The following PDE4B variants were observed in gnomAD, a reference collection of about 807,000 sequenced individuals.
The protein encoded by PDE4B is 3',5'-cyclic-AMP phosphodiesterase 4B.
PDE4B carries 20 observed loss-of-function variants against 82.2 expected under a neutral mutation model. The observed-to-expected ratio is 0.24, with a 90% CI of 0.17 to 0.35. PDE4B has a LOEUF of 0.35. Ranked by LOEUF, PDE4B falls within the 10% of genes least tolerant of loss-of-function variation. PDE4B has a pLI of 1.00. For synonymous variants in PDE4B, 320 were observed against 318.9 expected (o/e 1.00, Z -0.04); for missense variants, 655 against 907.2 (o/e 0.72, Z 3.57).
chr1:65,886,749 G>A (rs961568776), intron 1 of PDE4B, among the ~76,000 whole-genome samples: 2 of 152,020 alleles, frequency 1.3e-5, no homozygotes, highest in South Asian at 2.1e-4. Flanking sequence ...TATCATGTAC[G>A]TATACCACAT....
chr1:65,845,400 GTTA>G (rs1206206080), intron 1 of PDE4B, among the ~76,000 whole-genome samples: 1 of 152,108 alleles, frequency 6.6e-6, no homozygotes, highest in Non-Finnish European at 1.5e-5. Context: ...CCACTTCTCA[GTTA>G]TTAAGACTTA....
chr1:66,359,572 A>G (rs1197313929), intron 9 of PDE4B, among the ~76,000 whole-genome samples: 2 of 152,214 alleles, frequency 1.3e-5, no homozygotes, highest in Non-Finnish European at 2.9e-5. Flanking sequence ...AGTGTTCCAG[A>G]CACAGTAGTG....
intron 3 of PDE4B, among the ~76,000 whole-genome samples, chr1:66,113,493 A>G (rs1380251022): frequency 1.3e-5 from 2 of 152,218 alleles, no homozygotes; most frequent in Admixed American, 6.5e-5. Flanking sequence ...ATGCTAGTCC[A>G]TAATAAGATA....
intron 3 of PDE4B, among the ~76,000 whole-genome samples, chr1:66,052,399 T>C (rs1655078088): frequency 6.6e-6 from 1 of 152,102 alleles, no homozygotes; most frequent in South Asian, 2.1e-4. Flanking sequence ...TTTATAATGA[T>C]AGGGTTTCAG....
At chr1:66,211,296 G>T (rs1227030337) in intron 3 of PDE4B, among the ~76,000 whole-genome samples, 1 of 152,116 alleles carries the variant, frequency 6.6e-6, no homozygotes, top group Non-Finnish European at 1.5e-5. Context: ...TACGTTCCAA[G>T]TCTCTTCTCT....
chr1:66,244,737 G>A (rs559430883), intron 3 of PDE4B, among the ~76,000 whole-genome samples: 1 of 152,222 alleles, frequency 6.6e-6, no homozygotes, highest in Non-Finnish European at 1.5e-5. Context: ...CTTTGCATCA[G>A]AGACTTCTTC....
At chr1:65,862,262 G>A (rs1004208676) in intron 1 of PDE4B, among the ~76,000 whole-genome samples, 14 of 152,200 alleles carry the variant, frequency 9.2e-5, no homozygotes, top group Middle Eastern at 3.4e-3. Flanking sequence ...GCATGAAAGG[G>A]TGTTGAATTT....
At chr1:66,266,745 G>A (rs563121663) in intron 7 of PDE4B, 49 of 509,732 alleles carry the variant, frequency 9.6e-5, no homozygotes, top group African/African-American at 8.4e-4. Flanking sequence ...ACACCATGGA[G>A]TTCTGTTGGA....
chr1:66,040,760 A>G (rs1179173591), intron 3 of PDE4B, among the ~76,000 whole-genome samples: 1 of 151,990 alleles, frequency 6.6e-6, no homozygotes, highest in African/African-American at 2.4e-5. Flanking sequence ...AAAGGTTAAG[A>G]AAGTATTTGC....
chr1:66,193,929 C>A (rs1169762735), intron 3 of PDE4B, among the ~76,000 whole-genome samples: 1 of 150,204 alleles, frequency 6.7e-6, no homozygotes, highest in Non-Finnish European at 1.5e-5. Flanking sequence ...CACATTTGAA[C>A]CATAACAAGA....
At position 66,232,112 on chromosome 1, in the gene PDE4B, C is replaced by A. The variant is rs1651999487; in HGVS notation, c.282-15348C>A. On this transcript the variant is annotated intron_variant, in intron 3 of 16. Transcript: ENST00000341517. ...GGCAAAGAACAGCAAAGCCTGGAGACTGAGCTTTAATAGAATCATCATACC... is the reference window on the plus strand; with the variant it reads ...GGCAAAGAACAGCAAAGCCTGGAGAATGAGCTTTAATAGAATCATCATACC... Among the ~76,000 whole-genome samples the A allele has an allele frequency of 3.3e-5, 5 of 152,230 alleles. No homozygotes were observed. In the South Asian group the frequency reaches 1.0e-3, roughly 31 times the overall value.
At chr1:66,013,031 A>G (rs1433619610) in intron 3 of PDE4B, among the ~76,000 whole-genome samples, 1 of 152,042 alleles carries the variant, frequency 6.6e-6, no homozygotes, top group Non-Finnish European at 1.5e-5. Flanking sequence ...CAGAATTAAA[A>G]CCTAGGTGGT....
chr1:65,876,246 A>G (rs572836757), intron 1 of PDE4B, among the ~76,000 whole-genome samples: 5 of 152,132 alleles, frequency 3.3e-5, no homozygotes, highest in Non-Finnish European at 5.9e-5. Context: ...GCTTTTTATT[A>G]TAAACATTTC....
intron 1 of PDE4B, among the ~76,000 whole-genome samples, chr1:65,850,453 A>G (rs1646318976): frequency 6.6e-6 from 1 of 152,066 alleles, no homozygotes; most frequent in Non-Finnish European, 1.5e-5. Context: ...TGTAGTGAAC[A>G]ATGAAGTTAT....
At chr1:65,938,714 G>A (rs1011935319) in intron 3 of PDE4B, among the ~76,000 whole-genome samples, 14 of 152,166 alleles carry the variant, frequency 9.2e-5, no homozygotes, top group African/African-American at 3.4e-4. Context: ...TTAGCAATAT[G>A]TGTGTAAAGT....
At chr1:66,295,444 T>C (rs71639435) in intron 7 of PDE4B, among the ~76,000 whole-genome samples, 2 of 152,170 alleles carry the variant, frequency 1.3e-5, no homozygotes, top group African/African-American at 4.8e-5. Flanking sequence ...TTTTGTTTTG[T>C]TTTTTGTTTT....
chr1:65,962,759 C>T (rs568267269), intron 3 of PDE4B, among the ~76,000 whole-genome samples: 3 of 152,110 alleles, frequency 2.0e-5, no homozygotes, highest in Admixed American at 6.6e-5. Flanking sequence ...TTAGGCCTCA[C>T]GAGGCAGGTC....
chr1:65,983,808 C>T (rs575574876), intron 3 of PDE4B, among the ~76,000 whole-genome samples: 1 of 6,344 alleles, frequency 1.6e-4, no homozygotes, highest in African/African-American at 1.7e-4. Flanking sequence ...GCCCTAATAA[C>T]GTAATATATA....
intron 1 of PDE4B, among the ~76,000 whole-genome samples, chr1:65,886,175 A>C (rs1453707041): frequency 6.6e-6 from 1 of 151,958 alleles, no homozygotes; most frequent in Non-Finnish European, 1.5e-5. Context: ...TGCTGAATCT[A>C]TCCAAAAAAA....
Sources: gnomAD v4.1 joint callset for allele counts (sites outside exome capture counted in the v4.1 genomes callset) on GRCh38, gnomAD v4.1.1 for gene constraint, MANE v1.5 for transcripts, NCBI Gene and HGNC (gene_info 2026-07-23, HGNC 2026-07-21) for gene names.